Variants in SNX9 observed in about 807,000 individuals in gnomAD.
SNX9 encodes sorting nexin-9.
SNX9 carries 44 observed loss-of-function variants against 89.4 expected under a neutral mutation model. The ratio of observed to expected loss-of-function variants is 0.49; its 90% CI spans 0.39 to 0.63. The LOEUF is 0.63. Among genes scored for constraint, SNX9 ranks in the 30% least tolerant of loss-of-function variants. The pLI, the probability that SNX9 is intolerant of heterozygous loss-of-function variation, is 0.00. For missense variants in SNX9, 578 were observed against 736.1 expected (o/e 0.79, Z 2.49); for synonymous variants, 236 against 247.8 (o/e 0.95, Z 0.45).
intron 2 of SNX9, among the ~76,000 whole-genome samples, chr6:157,870,561 TCA>T (rs1306829078): frequency 3.8e-5 from 5 of 131,674 alleles, no homozygotes; most frequent in African/African-American, 1.5e-4. Flanking sequence ...TCACCTGCTC[TCA>T]CACATATATG....
At chr6:157,923,428 T>TAA (rs71788446) in intron 10 of SNX9, among the ~76,000 whole-genome samples, 31,823 of 147,674 alleles carry the variant, frequency 0.22, 3,390 homozygotes, top group Non-Finnish European at 0.23. Flanking sequence ...ATTGAAAATC[T>TAA]AAAAAAAAAA....
chr6:157,877,909 G>T (rs74703384), intron 4 of SNX9, among the ~76,000 whole-genome samples: 3,102 of 152,218 alleles, frequency 0.02, 93 homozygotes, highest in African/African-American at 0.071. Context: ...AACTTCCTGA[G>T]TGTCGTATTT....
chr6:157,834,005 T>G (rs1284533646), intron 1 of SNX9, among the ~76,000 whole-genome samples: 1 of 152,074 alleles, frequency 6.6e-6, no homozygotes, highest in Non-Finnish European at 1.5e-5. Flanking sequence ...CGTCAGGTTT[T>G]GTACTTAGAG....
At position 157,916,144 on chromosome 6, in the gene SNX9, C is replaced by T. The variant is rs151078968; in HGVS notation, c.950-5387C>T. Among the ~76,000 whole-genome samples, 802 of 151,926 alleles carry T rather than the reference C, an allele frequency of 5.3e-3. 7 individuals are homozygous for T. Among genetic ancestry groups the T allele is most frequent in the African/African-American group, 0.019 (768 of 41,482 alleles). ...CCACCTCCTGGGTTCACACCATTTT[C>T]GTGCCTCAGCCTCCCGAGTAGCTGG... On this transcript the variant is annotated intron_variant, in intron 9 of 17. Coordinates refer to ENST00000392185, the MANE Select transcript of SNX9 (RefSeq NM_016224.5).
At chr6:157,860,383 G>T (rs1180633929) in intron 1 of SNX9, among the ~76,000 whole-genome samples, 2 of 152,192 alleles carry the variant, frequency 1.3e-5, no homozygotes, top group Non-Finnish European at 2.9e-5. Context: ...TCCAGCTTGG[G>T]TGACAGAGCA....
At chr6:157,941,272 CTG>C in intron 17 of SNX9, among the ~76,000 whole-genome samples, 1 of 152,274 alleles carries the variant, frequency 6.6e-6, no homozygotes, top group South Asian at 2.1e-4. Flanking sequence ...CTCTGTGCCT[CTG>C]TGCACCAGGA....
intron 6 of SNX9, among the ~76,000 whole-genome samples, chr6:157,903,267 C>T (rs1783144247): frequency 6.6e-6 from 1 of 152,104 alleles, no homozygotes; most frequent in African/African-American, 2.4e-5. Context: ...AAATTAAAAA[C>T]ATAACATTTG....
intron 9 of SNX9, among the ~76,000 whole-genome samples, chr6:157,914,793 A>C (rs1783428533): frequency 6.6e-6 from 1 of 152,158 alleles, no homozygotes; most frequent in Non-Finnish European, 1.5e-5. Flanking sequence ...CTTTCTTAAC[A>C]GTGTCTTTTG....
intron 1 of SNX9, among the ~76,000 whole-genome samples, chr6:157,866,808 A>ATG (rs1215745803): frequency 6.6e-6 from 1 of 152,056 alleles, no homozygotes; most frequent in African/African-American, 2.4e-5. Flanking sequence ...TGAATCTTAG[A>ATG]TGTGTGTGCG....
chr6:157,905,717 G>A (rs1783197840), intron 6 of SNX9, among the ~76,000 whole-genome samples: 2 of 152,202 alleles, frequency 1.3e-5, no homozygotes, highest in Admixed American at 1.3e-4. Flanking sequence ...CTGTTGAAAG[G>A]CAACTTTAAT....
At chr6:157,846,203 T>C (rs1420512017) in intron 1 of SNX9, among the ~76,000 whole-genome samples, 1 of 152,280 alleles carries the variant, frequency 6.6e-6, no homozygotes, top group Non-Finnish European at 1.5e-5. Flanking sequence ...TGATTCATTC[T>C]TCCATTTTTA....
chr6:157,885,912 A>G (rs564575144), intron 4 of SNX9, among the ~76,000 whole-genome samples: 138 of 152,344 alleles, frequency 9.1e-4, no homozygotes, highest in Admixed American at 1.8e-3. Context: ...TTGAGCTTTC[A>G]TAGACCCTTT....
At chr6:157,883,449 G>T (rs1016382400) in intron 4 of SNX9, among the ~76,000 whole-genome samples, 1 of 152,132 alleles carries the variant, frequency 6.6e-6, no homozygotes, top group Non-Finnish European at 1.5e-5. Flanking sequence ...ATGTCAGCAG[G>T]GCTATCCCAG....
chr6:157,862,658 A>C (rs2115130752), intron 1 of SNX9, among the ~76,000 whole-genome samples: 1 of 152,310 alleles, frequency 6.6e-6, no homozygotes, highest in East Asian at 1.9e-4. Flanking sequence ...CTCCCATATG[A>C]ACTTTTTTTA....
chr6:157,843,977 C>T (rs1781752631), intron 1 of SNX9, among the ~76,000 whole-genome samples: 1 of 148,758 alleles, frequency 6.7e-6, no homozygotes. Flanking sequence ...CAGGTTCAAG[C>T]AATTTTCCTG....
chr6:157,867,407 A>G, intron 1 of SNX9, 140 bp from the exon 2 acceptor site: 2 of 606,216 alleles, frequency 3.3e-6, no homozygotes, highest in Non-Finnish European at 5.9e-6. Context: ...CATTTTGGTA[A>G]TGTCTTCCTT....
chr6:157,924,083 A>G (rs1050314085), intron 10 of SNX9, among the ~76,000 whole-genome samples: 1 of 152,104 alleles, frequency 6.6e-6, no homozygotes, highest in African/African-American at 2.4e-5. Flanking sequence ...CTGTAATCCC[A>G]GCTACTTGGG....
At chr6:157,898,708 T>C (rs1783031090) in intron 5 of SNX9, among the ~76,000 whole-genome samples, 1 of 152,160 alleles carries the variant, frequency 6.6e-6, no homozygotes, top group Non-Finnish European at 1.5e-5. Flanking sequence ...GAAGGTAGTC[T>C]CCCATTATTT....
At chr6:157,851,519 T>C (rs560506399) in intron 1 of SNX9, among the ~76,000 whole-genome samples, 2 of 152,290 alleles carry the variant, frequency 1.3e-5, no homozygotes, top group African/African-American at 4.8e-5. Context: ...CTGTAGCCCC[T>C]GGTAACCCCC....
Sources: gnomAD v4.1 joint callset for allele counts (sites outside exome capture counted in the v4.1 genomes callset) on GRCh38, gnomAD v4.1.1 for gene constraint, MANE v1.5 for transcripts, NCBI Gene and HGNC (gene_info 2026-07-23, HGNC 2026-07-21) for gene names.